Variants in MIGA1 observed in about 807,000 individuals in gnomAD.
MIGA1 encodes the protein family with sequence similarity 73, member A.
A neutral mutation model predicts 82.0 loss-of-function variants in MIGA1; 58 were observed. That is an observed-to-expected ratio of 0.71 (90% confidence interval 0.57 to 0.88). MIGA1 has a LOEUF of 0.88. Ranked by LOEUF, MIGA1 falls within the 40% of genes least tolerant of loss-of-function variation. MIGA1 has a pLI of 0.00. For synonymous variants in MIGA1, 249 were observed against 253.6 expected (o/e 0.98, Z 0.17); for missense variants, 751 against 749.1 (o/e 1.00, Z -0.03).
chr1:77,799,738 C>A (rs1313940096), intron 2 of MIGA1, among the ~76,000 whole-genome samples: 13 of 150,830 alleles, frequency 8.6e-5, no homozygotes, highest in Non-Finnish European at 1.5e-4. Context: ...TTTTTACAGA[C>A]CTTTGTGAGG....
chr1:77,857,029 C>T (rs749199735), intron 8 of MIGA1, among the ~76,000 whole-genome samples: 1 of 152,124 alleles, frequency 6.6e-6, no homozygotes, highest in East Asian at 1.9e-4. Context: ...GAACTTTCCT[C>T]TTAGTACCAC....
chr1:77,799,015 T>C (rs924448347), intron 2 of MIGA1, among the ~76,000 whole-genome samples: 1 of 152,190 alleles, frequency 6.6e-6, no homozygotes, highest in African/African-American at 2.4e-5. Context: ...GTTACATTGA[T>C]TTTTAAATGT....
chr1:77,831,527 G>A (rs193137316), intron 7 of MIGA1, among the ~76,000 whole-genome samples: 7 of 152,010 alleles, frequency 4.6e-5, no homozygotes, highest in Non-Finnish European at 7.4e-5. Flanking sequence ...TTAGGCTTCA[G>A]TTGGCCACAA....
chr1:77,866,833 C>T (rs1685689213), intron 14 of MIGA1, among the ~76,000 whole-genome samples: 2 of 151,658 alleles, frequency 1.3e-5, no homozygotes, highest in South Asian at 2.1e-4. Flanking sequence ...GTAGGTGCCA[C>T]CACACCCGGC....
In MIGA1 at chr1:77,870,777, A is replaced by C. The variant is rs1685944877; in HGVS notation, c.1564-2227A>C. On this transcript the variant is annotated intron_variant, in intron 14 of 15. Transcript: ENST00000370791. ...TAGCGAGCCGAGATCACGCCACTGC[A>C]CTCCAGCCTGGGCACCATTGAGCAC... Among the ~76,000 whole-genome samples the C allele has an allele frequency of 2.0e-5, 3 of 150,342 alleles. No homozygotes were observed. The South Asian group carries it at 6.3e-4, about 32-fold the overall frequency.
chr1:77,870,059 C>A (rs2101974673), intron 14 of MIGA1, among the ~76,000 whole-genome samples: 1 of 120,504 alleles, frequency 8.3e-6, no homozygotes. Flanking sequence ...CGCCCCTCAC[C>A]TCCCGGACTG....
intron 5 of MIGA1, 41 bp downstream of exon 5, chr1:77,807,142 A>G: frequency 6.8e-7 from 1 of 1,469,632 alleles, no homozygotes; most frequent in Non-Finnish European, 9.3e-7. Context: ...CTGTGCTCAC[A>G]TTTAATTTGT....
At chr1:77,834,381 G>A (rs986892530) in intron 7 of MIGA1, among the ~76,000 whole-genome samples, 5 of 152,064 alleles carry the variant, frequency 3.3e-5, no homozygotes, top group African/African-American at 1.2e-4. Context: ...TCGGTATGTT[G>A]CTTGGGCTGG....
chr1:77,813,896 A>G (rs1430430406), intron 6 of MIGA1, 29 bp downstream of exon 6: 3 of 1,608,810 alleles, frequency 1.9e-6, no homozygotes, highest in African/African-American at 1.3e-5. Flanking sequence ...AGTGGTCTTC[A>G]TAATATTAGA....
intron 1 of MIGA1, among the ~76,000 whole-genome samples, chr1:77,782,273 T>G (rs1681954467): frequency 6.6e-6 from 1 of 152,218 alleles, no homozygotes; most frequent in African/African-American, 2.4e-5. Flanking sequence ...GCCCATTCTC[T>G]TGTGCATTAG....
chr1:77,840,741 G>A (rs1204455746), intron 7 of MIGA1, among the ~76,000 whole-genome samples: 1 of 152,130 alleles, frequency 6.6e-6, no homozygotes, highest in Non-Finnish European at 1.5e-5. Flanking sequence ...GAATCTGGGA[G>A]GTGGAGGTTG....
chr1:77,797,684 C>G (rs1011904614), intron 2 of MIGA1, among the ~76,000 whole-genome samples: 1 of 152,002 alleles, frequency 6.6e-6, no homozygotes, highest in Non-Finnish European at 1.5e-5. Flanking sequence ...AGATTTAGCT[C>G]TAGTATTTTC....
intron 14 of MIGA1, among the ~76,000 whole-genome samples, chr1:77,868,860 T>G (rs1685777511): frequency 6.6e-6 from 1 of 152,218 alleles, no homozygotes; most frequent in Non-Finnish European, 1.5e-5. Context: ...AAAATGATGT[T>G]AACATGACAT....
At chr1:77,842,155 A>G (rs186778513) in intron 7 of MIGA1, among the ~76,000 whole-genome samples, 15 of 152,222 alleles carry the variant, frequency 9.9e-5, no homozygotes, top group Admixed American at 8.5e-4. Flanking sequence ...AAAAATCTAT[A>G]TATGTTTTAT....
At chr1:77,779,881 C>G (rs1210981167) in intron 1 of MIGA1, 145 bp downstream of exon 1, 2 of 1,422,316 alleles carry the variant, frequency 1.4e-6, no homozygotes, top group African/African-American at 2.9e-5. Flanking sequence ...CCAGGTGGAG[C>G]GGCGGAAAGC....
Position 77,870,269 on chromosome 1 carries a change from C to T in MIGA1, c.1564-2735C>T, listed in dbSNP as rs1419350190. 7.0e-5 allele frequency among the ~76,000 whole-genome samples: 8 copies of T among 113,920 alleles called. No individual in the cohort carries two copies. In the South Asian group the frequency reaches 2.3e-3, roughly 33 times the overall value. The allele number at this position is 113,920 out of a possible 152,430, so 74.7% of individuals were successfully genotyped here. ...GGTCGGGGTGGCTGCCGGGCGGAGA[C>T]GCTCCTCACTTCCCAGACGGGGTGG... On this transcript the variant is annotated intron_variant, in intron 14 of 15. Coordinates refer to ENST00000370791, the MANE Select transcript of MIGA1 (RefSeq NM_198549.4).
At chr1:77,811,122 A>G in intron 5 of MIGA1, 1 of 1,570,256 alleles carries the variant, frequency 6.4e-7, no homozygotes, top group South Asian at 1.1e-5. Context: ...TGTCCACATT[A>G]AAATGAACAT....
chr1:77,854,431 C>G (rs527454396), intron 8 of MIGA1, among the ~76,000 whole-genome samples: 1 of 152,140 alleles, frequency 6.6e-6, no homozygotes, highest in Non-Finnish European at 1.5e-5. Context: ...GTGGGCTTGC[C>G]GGATCAAATG....
At chr1:77,871,671 TTATAAA>T (rs980486417) in intron 14 of MIGA1, among the ~76,000 whole-genome samples, 10 of 152,234 alleles carry the variant, frequency 6.6e-5, no homozygotes, top group African/African-American at 1.7e-4. Context: ...ATTCAAAAAG[TTATAAA>T]TATAGAGTTT....
Sources: allele counts gnomAD v4.1 joint callset (sites outside exome capture counted in the v4.1 genomes callset), GRCh38; gene constraint gnomAD v4.1.1; transcripts MANE v1.5; gene names NCBI Gene and HGNC (gene_info 2026-07-23, HGNC 2026-07-21).